Variants in STAG1 observed in about 807,000 individuals in gnomAD.
STAG1 encodes the protein cohesin subunit SA-1.
In STAG1, 26 loss-of-function variants were observed where a neutral mutation model predicts 170.9. The observed-to-expected ratio is 0.15, with a 90% confidence interval of 0.11 to 0.21. The LOEUF is 0.21. STAG1 is among the 10% of genes least tolerant of loss of function. The pLI, the probability that STAG1 is intolerant of heterozygous loss-of-function variation, is 1.00. For synonymous variants in STAG1, 514 were observed against 497.7 expected, an observed-to-expected ratio of 1.03 and a Z score of -0.44; for missense variants, 964 against 1,509.5, an observed-to-expected ratio of 0.64 and a Z score of 5.99.
chr3:136,380,492 A>G (rs888302930), intron 22 of STAG1, among the ~76,000 whole-genome samples: 21 of 152,150 alleles, frequency 1.4e-4, no homozygotes, highest in African/African-American at 5.1e-4. Flanking sequence ...CGCCAGTCTC[A>G]GCCTCACTAA....
At chr3:136,724,069 C>T (rs1319331300) in intron 1 of STAG1, among the ~76,000 whole-genome samples, 4 of 151,776 alleles carry the variant, frequency 2.6e-5, no homozygotes, top group Non-Finnish European at 5.9e-5. Flanking sequence ...GTGAGGAGCC[C>T]CTCTGCCCGG....
intron 13 of STAG1, among the ~76,000 whole-genome samples, chr3:136,463,564 G>C (rs2089335070): frequency 1.3e-5 from 2 of 151,652 alleles, no homozygotes; most frequent in Non-Finnish European, 2.9e-5. Context: ...CTATAACCAA[G>C]AATATGTTTA....
chr3:136,379,588 A>G (rs1937827280), intron 22 of STAG1, among the ~76,000 whole-genome samples: 1 of 152,172 alleles, frequency 6.6e-6, no homozygotes, highest in Non-Finnish European at 1.5e-5. Context: ...GCATGCCTGT[A>G]ATCCCAGCTA....
Position 136,617,760 on chromosome 3 carries a change from C to T in STAG1, c.132+5386G>A, listed in dbSNP as rs554657167. Reference sequence around the variant, plus strand: ...TGTAACATGGTGGTTCCTATCACAACGCTGGGTCAAAAAGAGATTGATTTG... The same window carrying T: ...TGTAACATGGTGGTTCCTATCACAATGCTGGGTCAAAAAGAGATTGATTTG... On this transcript the variant is annotated intron_variant, in intron 3 of 33. Coordinates refer to ENST00000383202, the MANE Select transcript of STAG1 (RefSeq NM_005862.3). Among the ~76,000 whole-genome samples the T allele has an allele frequency of 2.6e-5, 4 of 152,136 alleles. No individual in the cohort carries two copies. In the East Asian group the frequency reaches 7.7e-4, roughly 29 times the overall value.
intron 1 of STAG1, among the ~76,000 whole-genome samples, chr3:136,711,589 A>G (rs1346900244): frequency 2.0e-5 from 3 of 152,104 alleles, no homozygotes; most frequent in African/African-American, 7.2e-5. Context: ...TACTTATTCT[A>G]CAGGATATTT....
rs539530293 is a variant in STAG1, at chr3:136,652,643, A to G, written c.-83-21662T>C. Among the ~76,000 whole-genome samples the G allele has an allele frequency of 5.3e-5, 8 of 152,312 alleles. No individual in the cohort carries two copies. The South Asian group carries it at 1.7e-3, about 32-fold the overall frequency. On this transcript the variant is annotated intron_variant, in intron 1 of 33. Coordinates refer to ENST00000383202, the MANE Select transcript of STAG1 (RefSeq NM_005862.3). ...CAAAGAAAAACAACCAGAATCTACA[A>G]ATTATTAGACTCAAGTTCCAGTAAG...
intron 7 of STAG1, among the ~76,000 whole-genome samples, chr3:136,512,590 G>A (rs938692789): frequency 1.3e-5 from 2 of 152,170 alleles, no homozygotes; most frequent in Admixed American, 1.3e-4. Context: ...TGTTTGGTTT[G>A]TGTGAGTGCC....
At chr3:136,463,936 A>C (rs1221358764) in intron 13 of STAG1, among the ~76,000 whole-genome samples, 1 of 148,536 alleles carries the variant, frequency 6.7e-6, no homozygotes, top group East Asian at 2.0e-4. Flanking sequence ...AAATGATTTA[A>C]AGAATGAGTT....
At chr3:136,665,505 C>T (rs919769496) in intron 1 of STAG1, among the ~76,000 whole-genome samples, 7 of 152,106 alleles carry the variant, frequency 4.6e-5, no homozygotes, top group African/African-American at 1.4e-4. Flanking sequence ...GAAGGCCAGG[C>T]GCAGAGGCTC....
chr3:136,376,938 C>G (rs552111390), intron 23 of STAG1, among the ~76,000 whole-genome samples: 305 of 151,520 alleles, frequency 2.0e-3, no homozygotes, highest in African/African-American at 6.6e-3. Flanking sequence ...TTACAGGCGC[C>G]TGCCACCATG....
chr3:136,433,501 G>T, intron 16 of STAG1, 55 bp downstream of exon 16: 3 of 1,287,656 alleles, frequency 2.3e-6, no homozygotes, highest in South Asian at 2.6e-5. Context: ...AAATATTTAA[G>T]ACAGTTAATT....
intron 1 of STAG1, among the ~76,000 whole-genome samples, chr3:136,638,682 C>G (rs1007667269): frequency 1.3e-5 from 2 of 152,086 alleles, no homozygotes; most frequent in African/African-American, 2.4e-5. Context: ...GCGGACAGAT[C>G]ACCTGAGGTC....
chr3:136,516,449 A>G (rs964785354), intron 7 of STAG1, among the ~76,000 whole-genome samples: 9 of 152,146 alleles, frequency 5.9e-5, no homozygotes. Context: ...CGGGGGTTGC[A>G]AGGAAACAAA....
At chr3:136,551,452 G>A (rs1166069227) in intron 5 of STAG1, among the ~76,000 whole-genome samples, 3 of 102,970 alleles carry the variant, frequency 2.9e-5, no homozygotes, top group Non-Finnish European at 6.0e-5. Context: ...TTGGCAGGGG[G>A]AAGAGGGGAG....
intron 1 of STAG1, among the ~76,000 whole-genome samples, chr3:136,748,921 G>A (rs938922361): frequency 2.6e-5 from 4 of 152,170 alleles, no homozygotes; most frequent in Non-Finnish European, 4.4e-5. Context: ...AAAAAGGTGA[G>A]GAAAAGGCAA....
chr3:136,350,482 A>G (rs564476769), intron 28 of STAG1, among the ~76,000 whole-genome samples: 1 of 152,178 alleles, frequency 6.6e-6, no homozygotes, highest in Non-Finnish European at 1.5e-5. Flanking sequence ...TGGGCACAGC[A>G]GGCTGAGAAC....
chr3:136,720,815 A>T (rs112646386), intron 1 of STAG1, among the ~76,000 whole-genome samples: 7 of 152,198 alleles, frequency 4.6e-5, no homozygotes, highest in African/African-American at 1.4e-4. Context: ...GAAAAAGAAA[A>T]GAAATCTGTG....
chr3:136,459,186 C>A (rs2089203662), intron 13 of STAG1, among the ~76,000 whole-genome samples: 2 of 149,692 alleles, frequency 1.3e-5, no homozygotes, highest in Admixed American at 1.3e-4. Context: ...CCACTGCACT[C>A]CAGCCTGGCG....
intron 1 of STAG1, among the ~76,000 whole-genome samples, chr3:136,741,954 G>A (rs1934692958): frequency 6.6e-6 from 1 of 152,126 alleles, no homozygotes; most frequent in South Asian, 2.1e-4. Context: ...ACCAGAAACA[G>A]AGAGACATTT....
Sources: allele counts gnomAD v4.1 joint callset (sites outside exome capture counted in the v4.1 genomes callset), GRCh38; gene constraint gnomAD v4.1.1; transcripts MANE v1.5; gene names NCBI Gene and HGNC (gene_info 2026-07-23, HGNC 2026-07-21).